The following DAP variants were observed in gnomAD, a reference collection of about 807,000 sequenced individuals.
DAP encodes death-associated protein 1.
A neutral mutation model predicts 13.8 loss-of-function variants in DAP; 8 were observed. The observed-to-expected ratio is 0.58, with a 90% CI of 0.34 to 1.05. The LOEUF (loss-of-function observed/expected upper bound fraction) is 1.05. Ranked by LOEUF, DAP falls within the 50% of genes least tolerant of loss-of-function variation. The pLI, the probability that DAP is intolerant of heterozygous loss-of-function variation, is 0.03. For synonymous variants in DAP, 47 were observed against 47.5 expected (o/e 0.99, Z 0.04); for missense variants, 106 against 133.2 (o/e 0.80, Z 1.01).
chr5:10,756,542 T>C (rs111290378), intron 1 of DAP, among the ~76,000 whole-genome samples: 1,597 of 152,362 alleles, frequency 0.01, 25 homozygotes, highest in African/African-American at 0.035. Context: ...GAAATAAATA[T>C]AATCGTGCTT....
intron 2 of DAP, among the ~76,000 whole-genome samples, chr5:10,687,481 G>A (rs756156749): frequency 2.6e-5 from 4 of 152,176 alleles, no homozygotes; most frequent in East Asian, 1.9e-4. Flanking sequence ...CAACCCTCAT[G>A]GGTAACTTTG....
Position 10,681,159 on chromosome 5 carries a change from T to C in DAP, c.206A>G (p.Asp69Gly). ...CACCTGCGCAGCCGCCGGGGGGAAA[T>C]CTTTGTCACCCTGTCAGGAAACACG... ...ISGVIARGDKDFPPAAAQVAH... is the reference protein window; with the variant it reads ...ISGVIARGDKGFPPAAAQVAH... Residue 69 changes from aspartate to glycine, a missense_variant, in exon 4 of 4, where the codon GAT (aspartate) becomes GGT (glycine). Transcript: ENST00000230895. 6.6e-7 allele frequency: 1 copy of C among 1,509,354 alleles called. No individual in the cohort carries two copies. The allele number at this position is 1,509,354 out of a possible 1,614,324, so 93.5% of individuals were successfully genotyped here. A position where few individuals can be genotyped will look rare whatever the true frequency, so the allele number is the denominator to read the frequency against.
intron 2 of DAP, among the ~76,000 whole-genome samples, chr5:10,688,796 T>G (rs1217074059): frequency 6.6e-6 from 1 of 151,622 alleles, no homozygotes; most frequent in Non-Finnish European, 1.5e-5. Context: ...GGAGTGGAAC[T>G]CCAGGACGCA....
intron 2 of DAP, among the ~76,000 whole-genome samples, chr5:10,693,369 C>T (rs1205979824): frequency 1.3e-5 from 2 of 152,222 alleles, no homozygotes; most frequent in Non-Finnish European, 2.9e-5. Context: ...AGCATGTACA[C>T]AGAAGGCAGG....
chr5:10,751,786 C>G (rs984989653), intron 1 of DAP, among the ~76,000 whole-genome samples: 6 of 152,192 alleles, frequency 3.9e-5, no homozygotes, highest in African/African-American at 1.4e-4. Flanking sequence ...AAGGAAACAG[C>G]AAGAAAGTGC....
chr5:10,751,891 T>A (rs146191877), intron 1 of DAP, among the ~76,000 whole-genome samples: 148 of 152,306 alleles, frequency 9.7e-4, no homozygotes, highest in Non-Finnish European at 8.2e-4. Context: ...GAAATAAATG[T>A]CTATGGTTTA....
chr5:10,751,979 T>C (rs1038660485), intron 1 of DAP, among the ~76,000 whole-genome samples: 11 of 152,244 alleles, frequency 7.2e-5, no homozygotes, highest in African/African-American at 2.7e-4. Context: ...GATCTCTGAA[T>C]CTTTCCAACT....
At chr5:10,710,137 C>G (rs1738806904) in intron 2 of DAP, among the ~76,000 whole-genome samples, 1 of 152,196 alleles carries the variant, frequency 6.6e-6, no homozygotes, top group Admixed American at 6.5e-5. Flanking sequence ...CAGCAAACGA[C>G]CCCTCCCCTT....
chr5:10,680,702 T>C lies in DAP; in HGVS notation c.*354A>G. On this transcript the variant is annotated 3_prime_UTR_variant, in exon 4 of 4. Transcript: ENST00000230895. ...AGGTTTTCTCCTAACCTTAATCTCA[T>C]CTTCTCAAATGTGTGCCTTCTTGTT... 6.5e-7 allele frequency: 1 copy of C among 1,527,824 alleles called. No homozygotes were observed. The highest frequency in any genetic ancestry group is 2.4e-5 in the East Asian group (1 of 40,968). The allele number at this position is 1,527,824 out of a possible 1,614,324, so 94.6% of individuals were successfully genotyped here.
intron 2 of DAP, among the ~76,000 whole-genome samples, chr5:10,738,793 A>G (rs1295632975): frequency 2.0e-5 from 3 of 152,248 alleles, no homozygotes; most frequent in Non-Finnish European, 4.4e-5. Context: ...TGATAATTAT[A>G]CAGTACTTGC....
intron 3 of DAP, 134 bp from the exon 4 acceptor site, chr5:10,681,303 C>T: frequency 1.5e-6 from 1 of 682,258 alleles, no homozygotes; most frequent in South Asian, 2.2e-5. Context: ...CTCAGGCCAG[C>T]ATCCACCAGC....
At chr5:10,716,296 C>G (rs1031241407) in intron 2 of DAP, among the ~76,000 whole-genome samples, 3 of 152,276 alleles carry the variant, frequency 2.0e-5, no homozygotes, top group Admixed American at 6.5e-5. Flanking sequence ...ACACATCTAT[C>G]GTGCAGAGTA....
chr5:10,738,020 C>T lies in DAP; in HGVS notation c.152+10155G>A, dbSNP rs118185228. On this transcript the variant is annotated intron_variant, in intron 2 of 3. Transcript: ENST00000230895. ...GATGCATCTACAAGCCAGGGGATGC[C>T]AGAGATTGCAGAAACCACCAGAAGC... Among the ~76,000 whole-genome samples the T allele has an allele frequency of 7.6e-4, 116 of 152,274 alleles. No homozygotes were observed. In the East Asian group the frequency reaches 0.021, roughly 28 times the overall value.
rs1451627661 is a variant in DAP, at chr5:10,722,514, A to G, written c.152+25661T>C. Among the ~76,000 whole-genome samples the G allele has an allele frequency of 2.9e-5, 3 of 102,394 alleles. 1 individual carries two copies. The highest frequency in any genetic ancestry group is 5.8e-5 in the Non-Finnish European group (3 of 51,482). 67.2% of individuals were successfully genotyped at this position (102,394 alleles called of 152,430 possible). ...TATATATATACACATACATATGCAT[A>G]CATATACATATACATGCATATATAT... On this transcript the variant is annotated intron_variant, in intron 2 of 3. Coordinates refer to ENST00000230895, the MANE Select transcript of DAP (RefSeq NM_004394.3).
intron 1 of DAP, among the ~76,000 whole-genome samples, chr5:10,756,916 A>ACT (rs1740200403): frequency 6.6e-6 from 1 of 152,136 alleles, no homozygotes; most frequent in Admixed American, 6.5e-5. Context: ...TCAAACAAGC[A>ACT]CTCACCCCAT....
intron 2 of DAP, among the ~76,000 whole-genome samples, chr5:10,719,931 C>T (rs1320825214): frequency 6.6e-6 from 1 of 152,216 alleles, no homozygotes; most frequent in Non-Finnish European, 1.5e-5. Flanking sequence ...CAGCCCCTTT[C>T]TAGGACATCC....
At chr5:10,690,076 G>GCACTT (rs1464142446) in intron 2 of DAP, among the ~76,000 whole-genome samples, 1 of 151,788 alleles carries the variant, frequency 6.6e-6, no homozygotes, top group Admixed American at 6.6e-5. Flanking sequence ...CATGTGTCCA[G>GCACTT]CACTTCCGCA....
intron 1 of DAP, among the ~76,000 whole-genome samples, chr5:10,758,451 GTGC>G (rs1226359320): frequency 7.0e-6 from 1 of 142,970 alleles, no homozygotes; most frequent in Non-Finnish European, 1.5e-5. Flanking sequence ...CATTTGAGGG[GTGC>G]TGCTATTGGG....
chr5:10,690,508 G>A (rs939751651), intron 2 of DAP, among the ~76,000 whole-genome samples: 10 of 152,070 alleles, frequency 6.6e-5, no homozygotes, highest in African/African-American at 1.4e-4. Flanking sequence ...GGCCATCACC[G>A]TGAGTTTAAC....
Sources: allele counts gnomAD v4.1 joint callset (sites outside exome capture counted in the v4.1 genomes callset), GRCh38; gene constraint gnomAD v4.1.1; transcripts MANE v1.5; gene names NCBI Gene and HGNC (gene_info 2026-07-23, HGNC 2026-07-21).